KLHL1: variants seen among roughly 807,000 people sequenced by gnomAD.
The protein encoded by KLHL1 is kelch like family member 1.
Under a neutral mutation model 77.7 loss-of-function variants are expected in KLHL1, and 47 were observed. The observed-to-expected ratio is 0.60, with a 90% CI of 0.48 to 0.77. The LOEUF (loss-of-function observed/expected upper bound fraction) is 0.77. Ranked by LOEUF, KLHL1 falls within the 30% of genes least tolerant of loss-of-function variation. The pLI is 0.00. For missense variants in KLHL1, 925 were observed against 910.8 expected (o/e 1.02, Z -0.20); for synonymous variants, 360 against 325.2 (o/e 1.11, Z -1.15).
chr13:69,998,652 C>T (rs898314902), intron 1 of KLHL1, among the ~76,000 whole-genome samples: 3 of 152,004 alleles, frequency 2.0e-5, no homozygotes, highest in Admixed American at 1.3e-4. Flanking sequence ...AATTAGTTTG[C>T]TATTAATAGT....
chr13:69,713,528 T>C (rs1164694969), intron 9 of KLHL1, among the ~76,000 whole-genome samples: 2 of 152,136 alleles, frequency 1.3e-5, no homozygotes, highest in Non-Finnish European at 2.9e-5. Context: ...CAGATATTCA[T>C]TTAATTGTCA....
chr13:69,819,407 C>T (rs553949879), intron 6 of KLHL1, among the ~76,000 whole-genome samples: 57 of 152,154 alleles, frequency 3.7e-4, no homozygotes, highest in African/African-American at 1.3e-3. Flanking sequence ...GGAAATTAAG[C>T]TTTTATTTTA....
chr13:69,833,906 A>G (rs1222889498), intron 6 of KLHL1, among the ~76,000 whole-genome samples: 3 of 151,778 alleles, frequency 2.0e-5, no homozygotes, highest in African/African-American at 7.3e-5. Flanking sequence ...ACTCAACCAC[A>G]AAAAGGAACT....
At chr13:69,754,176 C>A (rs1456063165) in intron 7 of KLHL1, among the ~76,000 whole-genome samples, 6 of 151,962 alleles carry the variant, frequency 3.9e-5, no homozygotes, top group African/African-American at 1.5e-4. Context: ...TCAGTAGGAG[C>A]TACCCTTTAA....
chr13:69,874,139 T>A (rs749136787), intron 5 of KLHL1, among the ~76,000 whole-genome samples: 2 of 152,210 alleles, frequency 1.3e-5, no homozygotes, highest in South Asian at 4.2e-4. Flanking sequence ...ATAACAAAAA[T>A]AATTTTTAAA....
intron 7 of KLHL1, among the ~76,000 whole-genome samples, chr13:69,782,799 C>A (rs973129836): frequency 3.3e-5 from 5 of 152,208 alleles, no homozygotes; most frequent in African/African-American, 1.2e-4. Flanking sequence ...TGTCTGACAG[C>A]TTTGAAGAGA....
chr13:69,913,615 GA>G (rs1882315923), intron 4 of KLHL1, among the ~76,000 whole-genome samples: 1 of 152,148 alleles, frequency 6.6e-6, no homozygotes, highest in Non-Finnish European at 1.5e-5. Context: ...GATTCCCAGG[GA>G]AAAGGTGCAA....
At chr13:69,763,046 T>C (rs531117378) in intron 7 of KLHL1, among the ~76,000 whole-genome samples, 3 of 152,106 alleles carry the variant, frequency 2.0e-5, no homozygotes, top group Non-Finnish European at 4.4e-5. Flanking sequence ...GGGCATCCTT[T>C]GTTAGGTTTC....
chr13:69,714,835 C>A (rs985130014), intron 9 of KLHL1, among the ~76,000 whole-genome samples: 2 of 152,014 alleles, frequency 1.3e-5, no homozygotes, highest in African/African-American at 2.4e-5. Context: ...CTCAAGCAAT[C>A]CACAGTTCTC....
chr13:70,002,690 G>T lies in KLHL1; in HGVS notation c.498-26888C>A, dbSNP rs534412811. ...AATGACAAAAGCATAAGTTGTTCAA[G>T]AAGTGATCTTAACATGACTTGCTTT... On this transcript the variant is annotated intron_variant, in intron 1 of 10. Coordinates refer to ENST00000377844, the MANE Select transcript of KLHL1 (RefSeq NM_020866.3). Among the ~76,000 whole-genome samples the T allele has an allele frequency of 4.6e-5, 7 of 151,690 alleles. No homozygotes were observed. In the South Asian group the frequency reaches 1.5e-3, roughly 31 times the overall value.
intron 1 of KLHL1, among the ~76,000 whole-genome samples, chr13:70,016,623 T>C (rs1389911226): frequency 6.6e-6 from 1 of 152,070 alleles, no homozygotes. Context: ...CCGATGAGGA[T>C]CGAAGGGAGG....
intron 4 of KLHL1, among the ~76,000 whole-genome samples, chr13:69,939,378 T>TATATAC (rs1200160699): frequency 9.3e-4 from 66 of 70,778 alleles, no homozygotes; most frequent in South Asian, 3.2e-3. Context: ...TATATATATA[T>TATATAC]ACACACACAC....
intron 7 of KLHL1, among the ~76,000 whole-genome samples, chr13:69,780,685 CAT>C (rs1211073965): frequency 2.5e-4 from 7 of 28,120 alleles, no homozygotes; most frequent in East Asian, 3.5e-3. Context: ...TCTCTTTCTT[CAT>C]ATATATATAT....
In KLHL1 at chr13:69,822,162, C is replaced by A. The variant is rs1334603768; in HGVS notation, c.1414+16814G>T. ...TGCAGTGAGCTGAGATCACCCACTG[C>A]ACTCCAGCCTGGGTGACAGAGGGAG... is the stretch of plus-strand genomic sequence containing the variant. On this transcript the variant is annotated intron_variant, in intron 6 of 10. Transcript: ENST00000377844. Among the ~76,000 whole-genome samples the A allele has an allele frequency of 1.0e-4, 15 of 145,752 alleles. No homozygotes were observed. In the South Asian group the frequency reaches 2.6e-3, roughly 25 times the overall value.
At chr13:69,985,817 T>A (rs984185552) in intron 1 of KLHL1, among the ~76,000 whole-genome samples, 32 of 146,976 alleles carry the variant, frequency 2.2e-4, no homozygotes, top group African/African-American at 7.9e-4. Context: ...ATATATTATA[T>A]ATTATATATA....
intron 1 of KLHL1, among the ~76,000 whole-genome samples, chr13:69,993,018 C>T (rs1885064083): frequency 6.6e-6 from 1 of 151,794 alleles, no homozygotes. Context: ...AAAAATTAAA[C>T]TGCCATAAGC....
At chr13:69,806,081 T>C (rs1042063878) in intron 6 of KLHL1, among the ~76,000 whole-genome samples, 1 of 152,196 alleles carries the variant, frequency 6.6e-6, no homozygotes, top group Non-Finnish European at 1.5e-5. Flanking sequence ...ATATGAGTAT[T>C]TTTAATGTAA....
chr13:69,865,417 G>T (rs1880332141), intron 5 of KLHL1, among the ~76,000 whole-genome samples: 1 of 152,060 alleles, frequency 6.6e-6, no homozygotes. Context: ...TTATAACTAA[G>T]AATAACATAT....
rs367656078 is a variant in KLHL1, at chr13:69,703,874, A to C, written c.2188-2113T>G. On this transcript the variant is annotated intron_variant, in intron 10 of 10. Transcript: ENST00000377844. ...AGGCCATACCATCTGGGTTGGTCTA[A>C]GTATACTTTGTAATACGTGCACAAT... 5.3e-5 allele frequency among the ~76,000 whole-genome samples: 8 copies of C among 151,842 alleles called. No homozygotes were observed. In the South Asian group the frequency reaches 1.2e-3, roughly 24 times the overall value.
Sources: gnomAD v4.1 joint callset for allele counts (sites outside exome capture counted in the v4.1 genomes callset) on GRCh38, gnomAD v4.1.1 for gene constraint, MANE v1.5 for transcripts, NCBI Gene and HGNC (gene_info 2026-07-23, HGNC 2026-07-21) for gene names.